The following CDC42BPB variants were observed in gnomAD, a reference collection of about 807,000 sequenced individuals.
CDC42BPB encodes serine/threonine-protein kinase MRCK beta.
A neutral mutation model predicts 214.9 loss-of-function variants in CDC42BPB; 37 were observed. The observed-to-expected ratio is 0.17, with a 90% CI of 0.13 to 0.23. CDC42BPB has a LOEUF of 0.23. CDC42BPB is among the 10% of genes least tolerant of loss of function. The probability of loss-of-function intolerance (pLI) is 1.00; values close to 1 mark genes in which losing one functional copy is unlikely to be tolerated. For synonymous variants in CDC42BPB, 931 were observed against 884.0 expected, an observed-to-expected ratio of 1.05 and a Z score of -0.94; for missense variants, 1,694 against 2,227.0, an observed-to-expected ratio of 0.76 and a Z score of 4.82.
chr14:102,949,668 A>G lies in CDC42BPB; in HGVS notation c.3449+97T>C, dbSNP rs1290831988. On this transcript the variant is annotated intron_variant, in intron 26 of 36. Transcript: ENST00000361246. ...ACAATAATGAAGCAGGTGAAGTACT[A>G]ATGAGGTGAAAGACTACTAAGGAAC... 4 of 1,470,870 alleles carry G rather than the reference A, an allele frequency of 2.7e-6. No individual in the cohort carries two copies. The Admixed American group carries it at 5.4e-5, about 20-fold the overall frequency. The allele number at this position is 1,470,870 out of a possible 1,614,324, so 91.1% of individuals were successfully genotyped here.
At chr14:103,008,019 G>A (rs1220010592) in intron 3 of CDC42BPB, among the ~76,000 whole-genome samples, 5 of 152,172 alleles carry the variant, frequency 3.3e-5, no homozygotes, top group African/African-American at 1.2e-4. Flanking sequence ...AGACTGACAC[G>A]GAACTAAGAA....
In CDC42BPB at chr14:102,986,596, A is replaced by T. The variant is rs1195717084; in HGVS notation, c.597-16T>A. The T allele has an allele frequency of 6.2e-7, 1 of 1,611,160 alleles. No homozygotes were observed. The highest frequency in any genetic ancestry group is 8.5e-7 in the Non-Finnish European group (1 of 1,178,204). ...TTTAATGTCTCTGTTTGTAAAATAA[A>T]CACACAAATTAACCATCTCCATGCA... On this transcript the variant is annotated splice_polypyrimidine_tract_variant and intron_variant, in intron 5 of 36. Coordinates refer to ENST00000361246, the MANE Select transcript of CDC42BPB (RefSeq NM_006035.4).
At chr14:102,986,400 C>A in intron 6 of CDC42BPB, 87 bp downstream of exon 6, 1 of 828,212 alleles carries the variant, frequency 1.2e-6, no homozygotes, top group South Asian at 1.7e-5. Flanking sequence ...TACTTGGTTT[C>A]TTAATTGTAC....
rs747691142 is a variant in CDC42BPB at position 102,947,692 on chromosome 14, T to C, written c.3531+29A>G. The C allele has an allele frequency of 1.9e-6, 3 of 1,554,644 alleles. No individual in the cohort carries two copies. In the Admixed American group the frequency reaches 5.0e-5, roughly 26 times the overall value. Reference sequence around the variant, plus strand: ...AACAATCAGTTTTAACCATGTGCTTTGTTAAAAAGATTAATGAAAAATTCA... The same window carrying C: ...AACAATCAGTTTTAACCATGTGCTTCGTTAAAAAGATTAATGAAAAATTCA... On this transcript the variant is annotated intron_variant, in intron 27 of 36. Coordinates refer to ENST00000361246, the MANE Select transcript of CDC42BPB (RefSeq NM_006035.4).
chr14:103,026,389 CAAAAACAAAA>C (rs1356264706), intron 1 of CDC42BPB, among the ~76,000 whole-genome samples: 1 of 151,836 alleles, frequency 6.6e-6, no homozygotes, highest in East Asian at 1.9e-4. Context: ...GGTTCCGTCT[CAAAAACAAAA>C]CAAAACAAAA....
chr14:102,941,836 G>A (rs1320917480), intron 30 of CDC42BPB, among the ~76,000 whole-genome samples: 2 of 152,202 alleles, frequency 1.3e-5, no homozygotes, highest in Non-Finnish European at 2.9e-5. Flanking sequence ...GGCAGGGGAG[G>A]CCACCCACAC....
At chr14:103,050,038 A>C (rs1267081646) in intron 1 of CDC42BPB, among the ~76,000 whole-genome samples, 1 of 152,250 alleles carries the variant, frequency 6.6e-6, no homozygotes, top group Non-Finnish European at 1.5e-5. Context: ...AGCTAAGATT[A>C]GATGCGTCTT....
chr14:103,011,376 C>T (rs1886149106), intron 2 of CDC42BPB, among the ~76,000 whole-genome samples: 1 of 152,232 alleles, frequency 6.6e-6, no homozygotes, highest in Non-Finnish European at 1.5e-5. Context: ...CTATTCGACC[C>T]TCTCTGTGTT....
intron 3 of CDC42BPB, among the ~76,000 whole-genome samples, chr14:103,007,954 T>G (rs10134342): frequency 0.43 from 64,773 of 151,796 alleles, 14,577 homozygotes; most frequent in African/African-American, 0.55. Flanking sequence ...GGGAGACCAA[T>G]GGCAGAGCAC....
At chr14:102,996,283 T>A (rs990140569) in intron 5 of CDC42BPB, among the ~76,000 whole-genome samples, 4 of 151,982 alleles carry the variant, frequency 2.6e-5, no homozygotes, top group Admixed American at 6.6e-5. Context: ...GAGCTTGCAG[T>A]GAGCTGAGAT....
chr14:103,009,194 C>T (rs1372626281), intron 2 of CDC42BPB, among the ~76,000 whole-genome samples: 1 of 152,192 alleles, frequency 6.6e-6, no homozygotes, highest in African/African-American at 2.4e-5. Flanking sequence ...CCAGCATGTC[C>T]CCGTGCCTGC....
intron 36 of CDC42BPB, among the ~76,000 whole-genome samples, chr14:102,937,831 T>C (rs1891709299): frequency 6.6e-6 from 1 of 152,178 alleles, no homozygotes; most frequent in African/African-American, 2.4e-5. Context: ...AAGAGGCAGG[T>C]TGGCGGGAAA....
chr14:103,047,338 G>A (rs1265682863), intron 1 of CDC42BPB, among the ~76,000 whole-genome samples: 1 of 147,506 alleles, frequency 6.8e-6, no homozygotes, highest in Non-Finnish European at 1.5e-5. Context: ...ATCAACAAAA[G>A]TTCCCCAGAG....
intron 1 of CDC42BPB, among the ~76,000 whole-genome samples, chr14:103,037,154 A>G (rs1241233400): frequency 6.6e-6 from 1 of 152,226 alleles, no homozygotes; most frequent in African/African-American, 2.4e-5. Context: ...TTAACATTCA[A>G]TTTTAATGGA....
intron 3 of CDC42BPB, among the ~76,000 whole-genome samples, chr14:103,006,830 G>A (rs1339576945): frequency 6.6e-6 from 1 of 152,152 alleles, no homozygotes; most frequent in Non-Finnish European, 1.5e-5. Context: ...TGTGTCACCA[G>A]ATTCAAATTA....
At chr14:103,026,326 G>C (rs552862070) in intron 1 of CDC42BPB, among the ~76,000 whole-genome samples, 7 of 152,136 alleles carry the variant, frequency 4.6e-5, no homozygotes, top group Admixed American at 2.0e-4. Flanking sequence ...GGGAGGCAGA[G>C]GTTGCAGTGA....
At chr14:102,965,853 G>A (rs1278924509) in intron 18 of CDC42BPB, among the ~76,000 whole-genome samples, 4 of 152,170 alleles carry the variant, frequency 2.6e-5, no homozygotes, top group South Asian at 4.1e-4. Context: ...CTACTCGGGG[G>A]GGCTGAGGCA....
chr14:103,012,435 C>T (rs1259881648), intron 1 of CDC42BPB: 5 of 177,064 alleles, frequency 2.8e-5, no homozygotes, highest in Non-Finnish European at 5.5e-5. Context: ...TTGCAGCCGA[C>T]GACGGACCAC....
chr14:102,969,461 G>A (rs1893373797), intron 14 of CDC42BPB, among the ~76,000 whole-genome samples: 1 of 152,236 alleles, frequency 6.6e-6, no homozygotes, highest in African/African-American at 2.4e-5. Flanking sequence ...TGAGAAAGGG[G>A]CAGGAGCCTC....
Sources: allele counts gnomAD v4.1 joint callset (sites outside exome capture counted in the v4.1 genomes callset), GRCh38; gene constraint gnomAD v4.1.1; transcripts MANE v1.5; gene names NCBI Gene and HGNC (gene_info 2026-07-23, HGNC 2026-07-21).